The following NDUFA10 variants were observed in gnomAD, a reference collection of about 807,000 sequenced individuals.
The protein encoded by NDUFA10 is NADH dehydrogenase [ubiquinone] 1 alpha subcomplex subunit 10, mitochondrial.
Under a neutral mutation model 47.8 loss-of-function variants are expected in NDUFA10, and 40 were observed. The observed-to-expected ratio is 0.84, with a 90% CI of 0.65 to 1.09. The LOEUF (loss-of-function observed/expected upper bound fraction) is 1.09, where lower values mean the gene tolerates loss of function less well. Among genes scored for constraint, NDUFA10 ranks in the 50% least tolerant of loss-of-function variants. The pLI, the probability that NDUFA10 is intolerant of heterozygous loss-of-function variation, is 0.00. For synonymous variants in NDUFA10, 183 were observed against 172.2 expected (o/e 1.06, Z -0.49); for missense variants, 413 against 451.1 (o/e 0.92, Z 0.76).
intron 8 of NDUFA10, among the ~76,000 whole-genome samples, chr2:240,000,882 G>C (rs937944389): frequency 6.6e-6 from 1 of 152,210 alleles, no homozygotes; most frequent in Non-Finnish European, 1.5e-5. Context: ...TAGCATCTAC[G>C]CTTGTGTAAA....
At chr2:239,965,397 A>C (rs1360366539) in intron 9 of NDUFA10, among the ~76,000 whole-genome samples, 1 of 152,222 alleles carries the variant, frequency 6.6e-6, no homozygotes, top group Non-Finnish European at 1.5e-5. Flanking sequence ...TGTATCTGCT[A>C]ATTTAAAATA....
intron 9 of NDUFA10, among the ~76,000 whole-genome samples, chr2:239,988,716 T>C (rs1696107154): frequency 1.3e-5 from 2 of 152,220 alleles, no homozygotes; most frequent in African/African-American, 4.8e-5. Context: ...GTGTGGGTTT[T>C]CTGGCCTACA....
chr2:239,911,862 G>A (rs760213421), intron 4 of NDUFA10, among the ~76,000 whole-genome samples: 12 of 152,008 alleles, frequency 7.9e-5, no homozygotes, highest in Non-Finnish European at 1.3e-4. Context: ...AACAGACTGA[G>A]ACAAGAATCA....
At chr2:239,932,105 A>G (rs1308723331) in intron 4 of NDUFA10, among the ~76,000 whole-genome samples, 2 of 151,370 alleles carry the variant, frequency 1.3e-5, no homozygotes, top group Non-Finnish European at 2.9e-5. Context: ...AAGTGCTGGG[A>G]TTACAGGCGT....
chr2:239,953,967 G>A (rs867725509), downstream of NDUFA10, among the ~76,000 whole-genome samples: 1 of 152,250 alleles, frequency 6.6e-6, no homozygotes, highest in African/African-American at 2.4e-5. Flanking sequence ...CTGAGTGACC[G>A]ACCGCCTCGG....
intron 8 of NDUFA10, among the ~76,000 whole-genome samples, chr2:239,998,820 G>A (rs1696589057): frequency 6.6e-6 from 1 of 152,230 alleles, no homozygotes; most frequent in African/African-American, 2.4e-5. Context: ...GTCCCTCACA[G>A]GAGGAAGAGC....
chr2:239,916,059 CACAT>C (rs1693868641), intron 4 of NDUFA10, among the ~76,000 whole-genome samples: 1 of 150,662 alleles, frequency 6.6e-6, no homozygotes, highest in Non-Finnish European at 1.5e-5. Context: ...CATACACACA[CACAT>C]ACATACTCAG....
At chr2:239,893,208 T>A (rs6437296) in intron 5 of NDUFA10, among the ~76,000 whole-genome samples, 44,492 of 152,168 alleles carry the variant, frequency 0.29, 6,837 homozygotes, top group South Asian at 0.37. Flanking sequence ...TCAGGCCAGC[T>A]GCAGCACAGG....
intron 4 of NDUFA10, chr2:239,942,975 C>T (rs1331279942): frequency 1.9e-5 from 3 of 154,378 alleles, no homozygotes; most frequent in Middle Eastern, 5.1e-4. Context: ...GAAGAAGGTT[C>T]GTTCAAATGC....
chr2:239,993,138 G>T (rs958542166), intron 8 of NDUFA10, among the ~76,000 whole-genome samples: 1 of 152,218 alleles, frequency 6.6e-6, no homozygotes, highest in African/African-American at 2.4e-5. Flanking sequence ...GGGAATTACA[G>T]GATCCTTCTC....
rs1043831072 is a variant in NDUFA10, at chr2:239,958,475, A to G, written c.*2643T>C. ...ACCACGAATTCAATTGAAGCGGCGT[A>G]ACTGAAGGTCCCTGGGTCCACCTGT... On this transcript the variant is annotated 3_prime_UTR_variant, in exon 10 of 10. Transcript: ENST00000252711. 6.6e-5 allele frequency: 10 copies of G among 152,254 alleles called. No homozygotes were observed. Among genetic ancestry groups the G allele is most frequent in the Admixed American group, 5.9e-4 (9 of 15,280 alleles). The allele number at this position is 152,254 out of a possible 1,614,324, so 9.4% of individuals were successfully genotyped here. A position where few individuals can be genotyped will look rare whatever the true frequency, so the allele number is the denominator to read the frequency against.
intron 9 of NDUFA10, among the ~76,000 whole-genome samples, chr2:239,964,987 A>G (rs1033334228): frequency 6.6e-6 from 1 of 152,094 alleles, no homozygotes; most frequent in Non-Finnish European, 1.5e-5. Context: ...GGGTTTTTCA[A>G]TTAAAGTTGT....
At chr2:239,908,546 T>G (rs1012516283) in intron 4 of NDUFA10, among the ~76,000 whole-genome samples, 1 of 152,182 alleles carries the variant, frequency 6.6e-6, no homozygotes, top group Admixed American at 6.5e-5. Context: ...CCATGGGGAT[T>G]GAGGGCTCCC....
intron 9 of NDUFA10, among the ~76,000 whole-genome samples, chr2:239,975,825 C>T (rs189368933): frequency 1.3e-5 from 2 of 152,230 alleles, no homozygotes; most frequent in East Asian, 1.9e-4. Context: ...CTGGATCAAG[C>T]GTCCACACTT....
downstream of NDUFA10, among the ~76,000 whole-genome samples, chr2:239,956,550 A>T (rs1694657582): frequency 6.6e-6 from 1 of 152,222 alleles, no homozygotes; most frequent in African/African-American, 2.4e-5. Flanking sequence ...CCGTGCTTGG[A>T]GGACTGGCGT....
intron 4 of NDUFA10, among the ~76,000 whole-genome samples, chr2:239,908,318 G>A (rs1693692309): frequency 6.6e-6 from 1 of 152,150 alleles, no homozygotes; most frequent in Non-Finnish European, 1.5e-5. Flanking sequence ...AACAGGTGCA[G>A]CACACCAGCA....
At chr2:239,921,121 G>A (rs1049501909) in intron 4 of NDUFA10, among the ~76,000 whole-genome samples, 3 of 152,014 alleles carry the variant, frequency 2.0e-5, no homozygotes, top group Non-Finnish European at 4.4e-5. Flanking sequence ...ATGGTGGCTC[G>A]AACCTAAGGA....
At position 240,008,539 on chromosome 2, in the gene NDUFA10, T is replaced by C. The variant is rs181186390; in HGVS notation, c.750-1169A>G. 8.5e-5 allele frequency among the ~76,000 whole-genome samples: 13 copies of C among 152,340 alleles called. No homozygotes were observed. The East Asian group carries it at 2.1e-3, about 25-fold the overall frequency. ...CAAGTCACCTAAGTGAATATTCAAC[T>C]GAAGTGTATAGGAGACAGAGGTCTT... is the stretch of plus-strand genomic sequence containing the variant. On this transcript the variant is annotated intron_variant, in intron 6 of 9. Transcript: ENST00000252711.
At chr2:239,904,110 G>A (rs1693602676) in intron 4 of NDUFA10, among the ~76,000 whole-genome samples, 1 of 152,046 alleles carries the variant, frequency 6.6e-6, no homozygotes, top group Non-Finnish European at 1.5e-5. Flanking sequence ...AAAAGGAGGA[G>A]GGGTGGGGGC....
Sources: allele counts gnomAD v4.1 joint callset (sites outside exome capture counted in the v4.1 genomes callset), GRCh38; gene constraint gnomAD v4.1.1; transcripts MANE v1.5; gene names NCBI Gene and HGNC (gene_info 2026-07-23, HGNC 2026-07-21).